Variants in RPGRIP1 observed in about 807,000 individuals in gnomAD.
The protein encoded by RPGRIP1 is X-linked retinitis pigmentosa GTPase regulator-interacting protein 1.
RPGRIP1 carries 128 observed loss-of-function variants against 157.9 expected under a neutral mutation model. The ratio of observed to expected loss-of-function variants is 0.81; its 90% CI spans 0.70 to 0.94. RPGRIP1 has a LOEUF of 0.94. RPGRIP1 is among the 40% of genes least tolerant of loss of function. The probability of loss-of-function intolerance (pLI) is 0.00; values close to 1 mark genes in which losing one functional copy is unlikely to be tolerated. For synonymous variants in RPGRIP1, 554 were observed against 571.6 expected (o/e 0.97, Z 0.44); for missense variants, 1,486 against 1,545.8 (o/e 0.96, Z 0.65).
intron 10 of RPGRIP1, among the ~76,000 whole-genome samples, chr14:21,314,714 G>GAAAAA: frequency 7.6e-6 from 1 of 131,056 alleles, no homozygotes; most frequent in East Asian, 2.3e-4. Flanking sequence ...ACTCTGTCTC[G>GAAAAA]AAAAAAAAAA....
chr14:21,331,927 A>G (rs1883835885), intron 20 of RPGRIP1, among the ~76,000 whole-genome samples: 3 of 147,836 alleles, frequency 2.0e-5, no homozygotes, highest in Middle Eastern at 3.5e-3. Context: ...AGCATTTTAT[A>G]TATATATAAT....
intron 3 of RPGRIP1, among the ~76,000 whole-genome samples, chr14:21,297,243 T>A (rs1485248369): frequency 6.6e-6 from 1 of 151,956 alleles, no homozygotes; most frequent in Non-Finnish European, 1.5e-5. Flanking sequence ...TACAAGCATG[T>A]GCCACCATGC....
At chr14:21,327,922 A>C in intron 18 of RPGRIP1, 115 bp downstream of exon 18, 2 of 785,064 alleles carry the variant, frequency 2.5e-6, no homozygotes, top group South Asian at 5.9e-5. Context: ...TAATCCCAGC[A>C]CTTTGGGAGG....
chr14:21,324,403 C>G (rs1045133868), intron 14 of RPGRIP1: 6 of 594,348 alleles, frequency 1.0e-5, no homozygotes, highest in Non-Finnish European at 1.8e-5. Flanking sequence ...CCTTTTGTAC[C>G]TTCTCCCTAA....
At position 21,310,595 on chromosome 14, in the gene RPGRIP1, C is replaced by A; in HGVS notation, c.918C>A (p.Thr306=). ...TTTCTTTCTTCCAGGCATACGAAACCTTGCTCCAGAAGGTACTTAATGAGA... is the reference window on the plus strand; with the variant it reads ...TTTCTTTCTTCCAGGCATACGAAACATTGCTCCAGAAGGTACTTAATGAGA... The part of the protein sequence containing the change: ...QLTEVQEAYE[T]LLQKNQGILS... Residue 306 remains threonine, a synonymous_variant, in exon 8 of 25, where the codon ACC becomes ACA. Coordinates refer to ENST00000400017, the MANE Select transcript of RPGRIP1 (RefSeq NM_020366.4). 1 of 1,451,758 alleles carries A rather than the reference C, an allele frequency of 6.9e-7. No homozygotes were observed. The highest frequency in any genetic ancestry group is 9.3e-7 in the Non-Finnish European group (1 of 1,072,482). 89.9% of individuals were successfully genotyped at this position (1,451,758 alleles called of 1,614,324 possible). A position where few individuals can be genotyped will look rare whatever the true frequency, so the allele number is the denominator to read the frequency against.
At chr14:21,330,712 A>G (rs1259155004) in intron 20 of RPGRIP1, among the ~76,000 whole-genome samples, 1 of 152,184 alleles carries the variant, frequency 6.6e-6, no homozygotes, top group Non-Finnish European at 1.5e-5. Context: ...TAATCATTTA[A>G]TTGTTTTGCC....
At chr14:21,341,276 C>A (rs978720431) in intron 21 of RPGRIP1, among the ~76,000 whole-genome samples, 3 of 152,136 alleles carry the variant, frequency 2.0e-5, no homozygotes, top group Non-Finnish European at 4.4e-5. Context: ...GGTCAACTGC[C>A]CGCCTCGGCC....
At chr14:21,330,054 G>A (rs944673629) in intron 19 of RPGRIP1, among the ~76,000 whole-genome samples, 195 bp from the exon 20 acceptor site, 2 of 151,324 alleles carry the variant, frequency 1.3e-5, no homozygotes, top group Non-Finnish European at 2.9e-5. Flanking sequence ...GGAGGCGAAG[G>A]TTGCAGTGAG....
intron 1 of RPGRIP1, among the ~76,000 whole-genome samples, chr14:21,281,928 A>G (rs942040426): frequency 6.6e-6 from 1 of 151,694 alleles, no homozygotes; most frequent in Non-Finnish European, 1.5e-5. Flanking sequence ...TCTTGTCTCT[A>G]CTAAAAAATA....
intron 12 of RPGRIP1, among the ~76,000 whole-genome samples, chr14:21,320,492 C>T (rs1284253152): frequency 1.3e-5 from 2 of 151,736 alleles, no homozygotes; most frequent in South Asian, 2.1e-4. Context: ...GGGGTTTCAC[C>T]GTGTTAGCCA....
At chr14:21,346,602 G>A (rs1447667324) in intron 23 of RPGRIP1, among the ~76,000 whole-genome samples, 1 of 152,204 alleles carries the variant, frequency 6.6e-6, no homozygotes, top group African/African-American at 2.4e-5. Flanking sequence ...AATTTAAATA[G>A]GCATATGGTT....
chr14:21,311,956 A>G lies in RPGRIP1; in HGVS notation c.1063A>G (p.Met355Val). The G allele has an allele frequency of 6.2e-7, 1 of 1,612,978 alleles. No homozygotes were observed. Among genetic ancestry groups the G allele is most frequent in the Non-Finnish European group, 8.5e-7 (1 of 1,179,370 alleles). ...ACTGGAAGATGTGTCTATCTTGCAG[A>G]TGACTCTGAAGGAGGTAAATAATAA... is the stretch of plus-strand genomic sequence containing the variant. ...SQLEDVSILQMTLKEFQERVE... is the reference protein window; with the variant it reads ...SQLEDVSILQVTLKEFQERVE... Residue 355 changes from methionine (M) to valine (V), a missense_variant, in exon 9 of 25, where the codon ATG becomes GTG. By Grantham distance (21) the Met-to-Val change is conservative. Coordinates refer to ENST00000400017, the MANE Select transcript of RPGRIP1 (RefSeq NM_020366.4).
intron 2 of RPGRIP1, among the ~76,000 whole-genome samples, chr14:21,293,880 T>TA (rs1184742648): frequency 1.3e-3 from 176 of 139,048 alleles, no homozygotes; most frequent in African/African-American, 1.3e-3. Flanking sequence ...CTCCGTCTCT[T>TA]AAAAAAAAAA....
At chr14:21,347,753 G>T (rs146087334) in intron 23 of RPGRIP1, among the ~76,000 whole-genome samples, 1 of 152,218 alleles carries the variant, frequency 6.6e-6, no homozygotes, top group East Asian at 1.9e-4. Flanking sequence ...TTTAGAGACT[G>T]GGTCTCGTTC....
At position 21,351,096 on chromosome 14, in the gene RPGRIP1, C is replaced by T. The variant is rs1196655002; in HGVS notation, c.3749-8C>T. The T allele has an allele frequency of 1.9e-6, 3 of 1,565,168 alleles. No homozygotes were observed. The Admixed American group carries it at 5.4e-5, about 28-fold the overall frequency. ...TGAGTGATGCTGTTTTTTTCCCTTT[C>T]CCAACAGTTGTTAGCCCTGAAGATC... On this transcript the variant is annotated splice_region_variant and splice_polypyrimidine_tract_variant and intron_variant, in intron 24 of 24. Coordinates refer to ENST00000400017, the MANE Select transcript of RPGRIP1 (RefSeq NM_020366.4).
chr14:21,309,918 C>A (rs1173576456), intron 7 of RPGRIP1, among the ~76,000 whole-genome samples: 1 of 123,814 alleles, frequency 8.1e-6, no homozygotes, highest in Non-Finnish European at 1.7e-5. Context: ...GGTGAAACCC[C>A]GTCTCTACTA....
chr14:21,281,558 T>C (rs1880124410), intron 1 of RPGRIP1, among the ~76,000 whole-genome samples: 1 of 151,354 alleles, frequency 6.6e-6, no homozygotes, highest in African/African-American at 2.4e-5. Flanking sequence ...GCGTGGCGGC[T>C]TGCGCCTGTA....
chr14:21,331,490 C>T (rs1051930468), intron 20 of RPGRIP1, among the ~76,000 whole-genome samples: 2 of 152,076 alleles, frequency 1.3e-5, no homozygotes, highest in African/African-American at 4.8e-5. Context: ...CCACTGCACT[C>T]CAGCCTGGGC....
At chr14:21,286,258 C>T (rs954117581) in intron 1 of RPGRIP1, among the ~76,000 whole-genome samples, 9 of 151,788 alleles carry the variant, frequency 5.9e-5, no homozygotes, top group Admixed American at 3.3e-4. Context: ...CCCAAAGTGC[C>T]GGGGTTACAG....
Sources: gnomAD v4.1 joint callset for allele counts (sites outside exome capture counted in the v4.1 genomes callset) on GRCh38, gnomAD v4.1.1 for gene constraint, MANE v1.5 for transcripts, NCBI Gene and HGNC (gene_info 2026-07-23, HGNC 2026-07-21) for gene names.